CNTN5: variants seen among roughly 807,000 people sequenced by gnomAD.
CNTN5 encodes the protein contactin-5.
In CNTN5, 77 loss-of-function variants were observed where a neutral mutation model predicts 129.1. The ratio of observed to expected loss-of-function variants is 0.60; its 90% CI spans 0.50 to 0.72. The LOEUF is 0.72. CNTN5 is among the 30% of genes least tolerant of loss of function. CNTN5 has a pLI of 0.00. For synonymous variants in CNTN5, 509 were observed against 465.6 expected (o/e 1.09, Z -1.20); for missense variants, 1,478 against 1,328.8 (o/e 1.11, Z -1.75).
chr11:99,491,562 C>T (rs1228685154), intron 2 of CNTN5, among the ~76,000 whole-genome samples: 1 of 152,054 alleles, frequency 6.6e-6, no homozygotes, highest in African/African-American at 2.4e-5. Context: ...CCTGTTTCTA[C>T]CCATTGTTTC....
chr11:99,461,880 CATG>C (rs1467109770), intron 2 of CNTN5, among the ~76,000 whole-genome samples: 3 of 152,090 alleles, frequency 2.0e-5, no homozygotes, highest in African/African-American at 7.2e-5. Context: ...ATGTATTTAT[CATG>C]ATCATAAAGT....
intron 13 of CNTN5, among the ~76,000 whole-genome samples, chr11:100,171,861 A>T (rs556113488): frequency 1.3e-5 from 2 of 152,140 alleles, no homozygotes; most frequent in South Asian, 4.1e-4. Context: ...AAAAACCTCT[A>T]ATATATAGTA....
At chr11:99,333,155 TTTTATGC>T (rs1442368288) in intron 2 of CNTN5, among the ~76,000 whole-genome samples, 4 of 152,102 alleles carry the variant, frequency 2.6e-5, no homozygotes, top group African/African-American at 9.6e-5. Context: ...TTGTAAAAAG[TTTTATGC>T]TTTTATTTTA....
chr11:99,404,764 A>G (rs1401525353), intron 2 of CNTN5, among the ~76,000 whole-genome samples: 1 of 152,074 alleles, frequency 6.6e-6, no homozygotes, highest in African/African-American at 2.4e-5. Flanking sequence ...CACAGTTACA[A>G]TGTCATAGTG....
chr11:99,128,654 C>T (rs1435715052), intron 1 of CNTN5, among the ~76,000 whole-genome samples: 1 of 152,232 alleles, frequency 6.6e-6, no homozygotes, highest in Non-Finnish European at 1.5e-5. Context: ...GTCCCTCATC[C>T]TGTGCCTCCT....
intron 1 of CNTN5, among the ~76,000 whole-genome samples, chr11:99,058,471 TA>T: frequency 6.6e-6 from 1 of 152,014 alleles, no homozygotes; most frequent in Non-Finnish European, 1.5e-5. Context: ...TATATATATA[TA>T]TTTTCTCACA....
chr11:99,250,287 G>A (rs1196052148), intron 1 of CNTN5, among the ~76,000 whole-genome samples: 2 of 151,812 alleles, frequency 1.3e-5, no homozygotes, highest in East Asian at 1.9e-4. Flanking sequence ...TTTAGAACAA[G>A]GTTCTTCCTT....
At chr11:99,111,559 C>A (rs1256815672) in intron 1 of CNTN5, among the ~76,000 whole-genome samples, 1 of 151,788 alleles carries the variant, frequency 6.6e-6, no homozygotes, top group Non-Finnish European at 1.5e-5. Flanking sequence ...ACAAAAGTGA[C>A]CTTATACTGA....
intron 9 of CNTN5, among the ~76,000 whole-genome samples, chr11:100,053,208 C>A (rs1181731221): frequency 6.6e-6 from 1 of 151,406 alleles, no homozygotes; most frequent in African/African-American, 2.4e-5. Flanking sequence ...CTTCTTAAGA[C>A]AGAAAACGAA....
intron 1 of CNTN5, among the ~76,000 whole-genome samples, chr11:99,195,430 A>G (rs1383209673): frequency 6.6e-6 from 1 of 152,098 alleles, no homozygotes; most frequent in Non-Finnish European, 1.5e-5. Context: ...TTATTTTTCA[A>G]AATTTATTAA....
intron 1 of CNTN5, among the ~76,000 whole-genome samples, chr11:99,160,928 A>G (rs1860578299): frequency 6.6e-6 from 1 of 152,340 alleles, no homozygotes; most frequent in Admixed American, 6.5e-5. Flanking sequence ...AATTTCCTAT[A>G]ATACACATAT....
chr11:99,569,287 C>G (rs987140717), intron 3 of CNTN5, among the ~76,000 whole-genome samples: 5 of 151,272 alleles, frequency 3.3e-5, no homozygotes, highest in African/African-American at 1.2e-4. Flanking sequence ...TATGGGATAA[C>G]TGTTTTTTAT....
chr11:100,037,195 C>A (rs1081350), intron 9 of CNTN5, among the ~76,000 whole-genome samples: 1 of 137,300 alleles, frequency 7.3e-6, no homozygotes, highest in Non-Finnish European at 1.6e-5. Flanking sequence ...TGAATTTTGT[C>A]AAAGGCCTTT....
At chr11:99,471,872 G>C (rs1169154532) in intron 2 of CNTN5, among the ~76,000 whole-genome samples, 2 of 152,114 alleles carry the variant, frequency 1.3e-5, no homozygotes, top group East Asian at 3.9e-4. Context: ...ATCTCTGTTT[G>C]TCACAGTACC....
At chr11:99,647,809 T>G (rs541957901) in intron 3 of CNTN5, among the ~76,000 whole-genome samples, 3 of 151,996 alleles carry the variant, frequency 2.0e-5, no homozygotes, top group African/African-American at 7.2e-5. Context: ...GTATCTATAC[T>G]AATGGGGTTA....
intron 2 of CNTN5, among the ~76,000 whole-genome samples, chr11:99,548,274 C>G (rs1032434720): frequency 1.3e-5 from 2 of 152,150 alleles, no homozygotes; most frequent in African/African-American, 4.8e-5. Flanking sequence ...AAACCTTAGA[C>G]AAGTTAAATT....
intron 4 of CNTN5, among the ~76,000 whole-genome samples, chr11:99,827,194 T>C (rs1946989857): frequency 6.6e-6 from 1 of 152,184 alleles, no homozygotes; most frequent in Non-Finnish European, 1.5e-5. Flanking sequence ...TTCAAGCGAT[T>C]CTCTAACGTC....
At chr11:100,264,377 T>G (rs1051082647) in intron 17 of CNTN5, among the ~76,000 whole-genome samples, 7 of 151,910 alleles carry the variant, frequency 4.6e-5, no homozygotes, top group African/African-American at 1.7e-4. Flanking sequence ...CCTGATGCTC[T>G]CTCCTCCCCT....
At chr11:100,021,964 C>G (rs1364843612) in intron 9 of CNTN5, among the ~76,000 whole-genome samples, 2 of 152,180 alleles carry the variant, frequency 1.3e-5, no homozygotes, top group African/African-American at 4.8e-5. Flanking sequence ...AGCAAGACAG[C>G]TTTTTCTTCT....
Sources: allele counts gnomAD v4.1 joint callset (sites outside exome capture counted in the v4.1 genomes callset), GRCh38; gene constraint gnomAD v4.1.1; transcripts MANE v1.5; gene names NCBI Gene and HGNC (gene_info 2026-07-23, HGNC 2026-07-21).